Variants in FGGY observed in about 807,000 individuals in gnomAD.
FGGY encodes the protein FGGY carbohydrate kinase domain containing.
A neutral mutation model predicts 71.3 loss-of-function variants in FGGY; 72 were observed. The ratio of observed to expected loss-of-function variants is 1.01; its 90% CI spans 0.84 to 1.23. FGGY has a LOEUF of 1.23. Ranked by LOEUF, FGGY falls within the 50% of genes most tolerant of loss-of-function variation. The pLI, the probability that FGGY is intolerant of heterozygous loss-of-function variation, is 0.00. For synonymous variants in FGGY, 251 were observed against 250.3 expected (o/e 1.00, Z -0.02); for missense variants, 668 against 682.3 (o/e 0.98, Z 0.23).
chr1:59,684,952 C>T (rs1206702293), intron 14 of FGGY, among the ~76,000 whole-genome samples: 1 of 152,196 alleles, frequency 6.6e-6, no homozygotes, highest in African/African-American at 2.4e-5. Flanking sequence ...TGATCTTCAC[C>T]ACAACCCTAT....
chr1:59,582,691 G>A (rs1478654106), intron 8 of FGGY, among the ~76,000 whole-genome samples: 1 of 149,964 alleles, frequency 6.7e-6, no homozygotes, highest in African/African-American at 2.5e-5. Context: ...ACCTGTCATG[G>A]TGCGTATCCT....
intron 5 of FGGY, among the ~76,000 whole-genome samples, chr1:59,417,134 C>CCTCA (rs2064601300): frequency 1.3e-5 from 2 of 152,152 alleles, no homozygotes; most frequent in Admixed American, 1.3e-4. Context: ...CCCTCTACAC[C>CCTCA]TAGCCATTGG....
intron 8 of FGGY, among the ~76,000 whole-genome samples, chr1:59,573,578 G>C (rs1053653890): frequency 1.3e-5 from 2 of 152,026 alleles, no homozygotes; most frequent in African/African-American, 4.8e-5. Flanking sequence ...ATAATTCTTT[G>C]TTCTATTTTT....
chr1:59,687,412 G>A (rs2097552240), intron 14 of FGGY, among the ~76,000 whole-genome samples: 1 of 152,050 alleles, frequency 6.6e-6, no homozygotes, highest in South Asian at 2.1e-4. Flanking sequence ...GGTAACCTCT[G>A]TGTGGCTTCA....
intron 4 of FGGY, among the ~76,000 whole-genome samples, chr1:59,373,287 G>T (rs1214713103): frequency 1.3e-5 from 2 of 152,058 alleles, no homozygotes; most frequent in African/African-American, 4.8e-5. Context: ...GCCAAATCAT[G>T]AGTGAACTCC....
intron 4 of FGGY, among the ~76,000 whole-genome samples, chr1:59,358,890 T>A (rs2054864135): frequency 6.6e-6 from 1 of 152,242 alleles, no homozygotes; most frequent in Non-Finnish European, 1.5e-5. Flanking sequence ...GTAGATGTTA[T>A]CACTTGCTTT....
At chr1:59,317,092 A>G (rs1456843952) in intron 1 of FGGY, among the ~76,000 whole-genome samples, 1 of 152,184 alleles carries the variant, frequency 6.6e-6, no homozygotes, top group African/African-American at 2.4e-5. Context: ...TTAGCTGGGA[A>G]ATGGGGCTCA....
rs142638637 is a variant in FGGY, at chr1:59,554,182, G to A, written c.858G>A (p.Thr286=). Residue 286 remains threonine, a synonymous_variant, in exon 8 of 16, where the codon ACG becomes ACA. Transcript: ENST00000303721. The part of the protein sequence containing the change: ...HGLICEGQPV[T]SRLAVICGTS... ...TCATCTGTGAGGGGCAGCCAGTGAC[G>A]TCACGGCTGGCTGTCATCTGTGGAA... The A allele has an allele frequency of 4.3e-5, 70 of 1,613,508 alleles. No homozygotes were observed. Among genetic ancestry groups the A allele is most frequent in the Middle Eastern group, 1.7e-4 (1 of 6,056 alleles).
intron 11 of FGGY, among the ~76,000 whole-genome samples, chr1:59,641,773 A>G (rs1189932412): frequency 6.6e-6 from 1 of 152,194 alleles, no homozygotes; most frequent in African/African-American, 2.4e-5. Flanking sequence ...TATATGATGA[A>G]TGCAACTTGT....
intron 8 of FGGY, among the ~76,000 whole-genome samples, chr1:59,587,151 C>T (rs9436594): frequency 6.6e-6 from 1 of 152,124 alleles, no homozygotes; most frequent in African/African-American, 2.4e-5. Flanking sequence ...TATCCCGCAC[C>T]TGGCTTGGAG....
At chr1:59,364,908 G>C (rs1055385155) in intron 4 of FGGY, among the ~76,000 whole-genome samples, 2 of 152,218 alleles carry the variant, frequency 1.3e-5, no homozygotes, top group African/African-American at 2.4e-5. Context: ...AAATTAGAAT[G>C]GTGGTTGAAT....
At chr1:59,312,106 T>C (rs558405725) in intron 1 of FGGY, among the ~76,000 whole-genome samples, 1 of 152,336 alleles carries the variant, frequency 6.6e-6, no homozygotes, top group South Asian at 2.1e-4. Flanking sequence ...GTTGTTTCTT[T>C]TTGTCTTGCA....
intron 14 of FGGY, among the ~76,000 whole-genome samples, chr1:59,743,364 G>C (rs1161761775): frequency 2.6e-5 from 4 of 152,182 alleles, no homozygotes; most frequent in Non-Finnish European, 4.4e-5. Flanking sequence ...TAAACTTCAT[G>C]AGGTCAGGGA....
At chr1:59,298,202 C>T (rs2042251009) in intron 1 of FGGY, among the ~76,000 whole-genome samples, 1 of 152,148 alleles carries the variant, frequency 6.6e-6, no homozygotes, top group African/African-American at 2.4e-5. Flanking sequence ...CAGATGACTG[C>T]CGCTTGGTCT....
chr1:59,557,613 A>G (rs980708955), intron 8 of FGGY, among the ~76,000 whole-genome samples: 4 of 152,172 alleles, frequency 2.6e-5, no homozygotes, highest in Non-Finnish European at 5.9e-5. Context: ...TTAACAGGGG[A>G]AAAATGCCAT....
At chr1:59,579,085 G>A (rs142844624) in intron 8 of FGGY, among the ~76,000 whole-genome samples, 4 of 152,056 alleles carry the variant, frequency 2.6e-5, no homozygotes, top group South Asian at 2.1e-4. Flanking sequence ...CATTTGTTTC[G>A]GGCTCCTGTG....
chr1:59,499,167 A>G (rs1219777277), intron 6 of FGGY, among the ~76,000 whole-genome samples: 3 of 152,048 alleles, frequency 2.0e-5, no homozygotes, highest in Non-Finnish European at 4.4e-5. Flanking sequence ...ACCCCTGGAC[A>G]CTTTCTTCTC....
rs145087439 is a variant in FGGY at position 59,673,968 on chromosome 1, C to T, written c.1418-71C>T. ...CTGATGTCAGGTGTTTTTGCCACTG[C>T]GGCTGCTTGTTGGCTCCTCACACTC... On this transcript the variant is annotated intron_variant, in intron 13 of 15. Transcript: ENST00000303721. 4.3e-4 allele frequency: 597 copies of T among 1,377,872 alleles called. No homozygotes were observed. In the African/African-American group the frequency reaches 7.3e-3, roughly 17 times the overall value. 85.4% of individuals were successfully genotyped at this position (1,377,872 alleles called of 1,614,324 possible).
At chr1:59,537,039 A>G (rs1288428945) in intron 7 of FGGY, among the ~76,000 whole-genome samples, 1 of 151,842 alleles carries the variant, frequency 6.6e-6, no homozygotes, top group Non-Finnish European at 1.5e-5. Flanking sequence ...TTCAATTAGG[A>G]AAAGAGGAAG....
Sources: allele counts gnomAD v4.1 joint callset (sites outside exome capture counted in the v4.1 genomes callset), GRCh38; gene constraint gnomAD v4.1.1; transcripts MANE v1.5; gene names NCBI Gene and HGNC (gene_info 2026-07-23, HGNC 2026-07-21).